Variants in AKR1C3 observed in about 807,000 individuals in gnomAD.
AKR1C3 encodes 3-alpha hydroxysteroid dehydrogenase, type II.
Under a neutral mutation model 43.6 loss-of-function variants are expected in AKR1C3, and 48 were observed. The observed-to-expected ratio is 1.10, with a 90% CI of 0.87 to 1.40. The LOEUF (loss-of-function observed/expected upper bound fraction) is 1.40. AKR1C3 is among the 40% of genes most tolerant of loss of function. AKR1C3 has a pLI of 0.00. For synonymous variants in AKR1C3, 162 were observed against 139.6 expected (o/e 1.16, Z -1.13); for missense variants, 482 against 391.2 (o/e 1.23, Z -1.96).
chr10:5,089,996 GC>G (rs376000196), upstream of AKR1C3, among the ~76,000 whole-genome samples: 18 of 152,254 alleles, frequency 1.2e-4, no homozygotes, highest in East Asian at 2.7e-3. Context: ...TAGCCCTATG[GC>G]ACTTGTGTTG....
chr10:5,057,144 T>C (rs1838277586), intron 1 of AKR1C3, among the ~76,000 whole-genome samples: 1 of 152,188 alleles, frequency 6.6e-6, no homozygotes, highest in Admixed American at 6.5e-5. Flanking sequence ...TTCCAGTGAT[T>C]GCCTCAGCAT....
intron 1 of AKR1C3, among the ~76,000 whole-genome samples, chr10:5,069,624 C>T (rs932545971): frequency 3.3e-5 from 5 of 152,244 alleles, no homozygotes; most frequent in South Asian, 4.1e-4. Flanking sequence ...CCTGTAATTC[C>T]AGCACTTTGA....
intron 1 of AKR1C3, among the ~76,000 whole-genome samples, chr10:5,085,024 C>G (rs1217553539): frequency 1.3e-5 from 2 of 152,160 alleles, no homozygotes; most frequent in Non-Finnish European, 2.9e-5. Context: ...CATCTGCAAA[C>G]AGGGACAATT....
Position 5,068,518 on chromosome 10 carries a change from A to AC in AKR1C3, c.84+19623_84+19624insC, listed in dbSNP as rs1554781013. ...CTTTATAACCTTTTACCAAAAAAAA[A>AC]AAAAAAACACATTTTACTATTCTTA... On this transcript the variant is annotated intron_variant, in intron 1 of 8. Transcript: ENST00000439082. Among the ~76,000 whole-genome samples, 418 of 87,054 alleles carry AC rather than the reference A, an allele frequency of 4.8e-3. 4 individuals are homozygous for AC. In the Middle Eastern group the frequency reaches 0.053, roughly 11 times the overall value. 57.1% of individuals were successfully genotyped at this position (87,054 alleles called of 152,430 possible).
chr10:5,077,873 TA>T (rs1231981194), intron 1 of AKR1C3: 1 of 585,626 alleles, frequency 1.7e-6, no homozygotes, highest in African/African-American at 2.0e-5. Flanking sequence ...TAAACAGAAC[TA>T]AGATCAGAAT....
intron 1 of AKR1C3, among the ~76,000 whole-genome samples, chr10:5,079,824 C>T (rs1305898987): frequency 6.6e-6 from 1 of 152,048 alleles, no homozygotes; most frequent in African/African-American, 2.4e-5. Context: ...GCTCCATGTA[C>T]ATGTATATGA....
chr10:5,050,775 C>A (rs1465127068), intron 1 of AKR1C3, among the ~76,000 whole-genome samples: 2 of 152,108 alleles, frequency 1.3e-5, no homozygotes, highest in Non-Finnish European at 2.9e-5. Context: ...TAATGCATTG[C>A]ATATTCCTGG....
In AKR1C3 at chr10:5,099,313, C is replaced by T. The variant is rs375764702; in HGVS notation, c.448-14C>T. ...AACTGCACAAATAATTCCTCACAACCCCTTTCTCCACAGGCCATGGAGAAG... is the reference window on the plus strand; with the variant it reads ...AACTGCACAAATAATTCCTCACAACTCCTTTCTCCACAGGCCATGGAGAAG... On this transcript the variant is annotated splice_polypyrimidine_tract_variant and intron_variant, in intron 4 of 8. Transcript: ENST00000380554. The T allele has an allele frequency of 8.1e-6, 13 of 1,613,932 alleles. No homozygotes were observed. In the African/African-American group the frequency reaches 1.6e-4, roughly 20 times the overall value.
chr10:5,091,333 T>C (rs1266358413), upstream of AKR1C3, among the ~76,000 whole-genome samples: 2 of 152,138 alleles, frequency 1.3e-5, no homozygotes, highest in African/African-American at 4.8e-5. Context: ...AAATTAATTT[T>C]CTCGAAGTTC....
chr10:5,090,522 G>A (rs1423201050), upstream of AKR1C3, among the ~76,000 whole-genome samples: 1 of 152,122 alleles, frequency 6.6e-6, no homozygotes, highest in East Asian at 1.9e-4. Context: ...GATAATTGGG[G>A]TAGAACCTCT....
chr10:5,106,899 A>C, intron 8 of AKR1C3, among the ~76,000 whole-genome samples: 1 of 112,914 alleles, frequency 8.9e-6, no homozygotes, highest in South Asian at 2.5e-4. Flanking sequence ...ATATTTTTTT[A>C]GTTTCAAGGA....
chr10:5,104,379 A>C (rs1162784487), intron 7 of AKR1C3, among the ~76,000 whole-genome samples: 1 of 41,562 alleles, frequency 2.4e-5, no homozygotes, highest in Non-Finnish European at 4.2e-5. Flanking sequence ...TTGCTCACAT[A>C]TCTTGATTTT....
intron 1 of AKR1C3, among the ~76,000 whole-genome samples, chr10:5,065,452 T>G (rs1285603496): frequency 2.6e-5 from 4 of 152,202 alleles, no homozygotes; most frequent in African/African-American, 9.6e-5. Context: ...ATTAGGAGGT[T>G]GGTACTTAGG....
At chr10:5,080,352 G>T (rs563059085) in intron 1 of AKR1C3, among the ~76,000 whole-genome samples, 1 of 152,092 alleles carries the variant, frequency 6.6e-6, no homozygotes. Context: ...GGCTGGGTGC[G>T]GTAGCTAATG....
At chr10:5,073,565 CAT>C (rs1838653266) in intron 1 of AKR1C3, among the ~76,000 whole-genome samples, 1 of 152,172 alleles carries the variant, frequency 6.6e-6, no homozygotes, top group Non-Finnish European at 1.5e-5. Context: ...GTCTTACCCA[CAT>C]GACTCAGCGA....
intron 1 of AKR1C3, among the ~76,000 whole-genome samples, chr10:5,068,304 A>AT: frequency 6.6e-6 from 1 of 152,292 alleles, no homozygotes; most frequent in Non-Finnish European, 1.5e-5. Flanking sequence ...TGGTGATCCC[A>AT]TGTACCTAAA....
chr10:5,106,299 G>A (rs1839498778), intron 8 of AKR1C3, among the ~76,000 whole-genome samples: 1 of 152,134 alleles, frequency 6.6e-6, no homozygotes, highest in Non-Finnish European at 1.5e-5. Context: ...AGCTCTCAAG[G>A]CAGAGAATTT....
intron 1 of AKR1C3, among the ~76,000 whole-genome samples, chr10:5,059,605 C>T (rs1275544274): frequency 6.6e-6 from 1 of 152,172 alleles, no homozygotes; most frequent in Admixed American, 6.5e-5. Flanking sequence ...AGCCTGACAC[C>T]CGTGTCTTTA....
At chr10:5,088,658 T>A (rs895138089) in intron 1 of AKR1C3, among the ~76,000 whole-genome samples, 7 of 151,638 alleles carry the variant, frequency 4.6e-5, no homozygotes, top group Non-Finnish European at 7.4e-5. Flanking sequence ...TTGCTGACAT[T>A]GATATATCAT....
Sources: allele counts gnomAD v4.1 joint callset (sites outside exome capture counted in the v4.1 genomes callset), GRCh38; gene constraint gnomAD v4.1.1; transcripts MANE v1.5; gene names NCBI Gene and HGNC (gene_info 2026-07-23, HGNC 2026-07-21).